Variants in NFIB observed in about 807,000 individuals in gnomAD.
The protein encoded by NFIB is nuclear factor I B, also known as nuclear factor 1 B-type.
Under a neutral mutation model 61.5 loss-of-function variants are expected in NFIB, and 11 were observed. That is an observed-to-expected ratio of 0.18 (90% CI 0.11 to 0.30). NFIB has a LOEUF of 0.30. NFIB is among the 10% of genes least tolerant of loss of function. NFIB has a pLI of 1.00. For missense variants in NFIB, 471 were observed against 608.9 expected (o/e 0.77, Z 2.38); for synonymous variants, 260 against 216.5 (o/e 1.20, Z -1.76).
chr9:14,270,903 T>C (rs2057559468), intron 2 of NFIB, among the ~76,000 whole-genome samples: 1 of 151,988 alleles, frequency 6.6e-6, no homozygotes, highest in Non-Finnish European at 1.5e-5. Context: ...TGAAGCTGAG[T>C]CTCCGTAGGC....
At chr9:14,209,794 G>C (rs1292015692) in intron 2 of NFIB, among the ~76,000 whole-genome samples, 1 of 152,126 alleles carries the variant, frequency 6.6e-6, no homozygotes, top group Non-Finnish European at 1.5e-5. Context: ...TTTGCTAATA[G>C]GCTGTCACAC....
intron 2 of NFIB, among the ~76,000 whole-genome samples, chr9:14,186,216 T>C (rs1402724580): frequency 2.0e-5 from 3 of 152,190 alleles, no homozygotes; most frequent in Non-Finnish European, 4.4e-5. Flanking sequence ...TCAAGGGATA[T>C]CAGAGGAGTA....
chr9:14,236,072 A>G (rs912724762), intron 2 of NFIB, among the ~76,000 whole-genome samples: 5 of 152,222 alleles, frequency 3.3e-5, no homozygotes, highest in African/African-American at 9.6e-5. Flanking sequence ...AGCATTGATC[A>G]TAACACAATA....
intron 1 of NFIB, among the ~76,000 whole-genome samples, chr9:14,393,232 G>A (rs572805872): frequency 1.3e-5 from 2 of 152,076 alleles, no homozygotes; most frequent in African/African-American, 4.8e-5. Flanking sequence ...GAAATGTGCT[G>A]CACATCCTCC....
the NFIB span, among the ~76,000 whole-genome samples, chr9:14,432,722 T>C: frequency 6.6e-6 from 1 of 152,164 alleles, no homozygotes; most frequent in African/African-American, 2.4e-5. Context: ...GAATTTGCCA[T>C]ATTTAGGAAG....
intron 7 of NFIB, among the ~76,000 whole-genome samples, chr9:14,123,467 G>T (rs1316076916): frequency 6.6e-6 from 1 of 152,088 alleles, no homozygotes; most frequent in Non-Finnish European, 1.5e-5. Flanking sequence ...TTATAATCAT[G>T]TAACTTCTCC....
chr9:14,387,040 G>A (rs1212563622), intron 1 of NFIB, among the ~76,000 whole-genome samples: 2 of 152,196 alleles, frequency 1.3e-5, no homozygotes, highest in South Asian at 4.1e-4. Flanking sequence ...AAGGACTAGG[G>A]TTCCACACAG....
chr9:14,331,644 A>G (rs1373376184), intron 1 of NFIB, among the ~76,000 whole-genome samples: 1 of 152,194 alleles, frequency 6.6e-6, no homozygotes, highest in East Asian at 1.9e-4. Context: ...AAAGTAATGG[A>G]ATATAGGCTT....
At chr9:14,243,755 A>C (rs2054588929) in intron 2 of NFIB, among the ~76,000 whole-genome samples, 1 of 152,182 alleles carries the variant, frequency 6.6e-6, no homozygotes, top group Admixed American at 6.5e-5. Context: ...TAAAAGGCAG[A>C]AATGTTCATC....
At chr9:14,175,551 G>A (rs965095866) in intron 3 of NFIB, among the ~76,000 whole-genome samples, 1 of 152,164 alleles carries the variant, frequency 6.6e-6, no homozygotes, top group Admixed American at 6.6e-5. Flanking sequence ...GATTTACTCA[G>A]TTATTTATTT....
the NFIB span, among the ~76,000 whole-genome samples, chr9:14,509,808 C>G: frequency 2.0e-5 from 3 of 152,314 alleles, no homozygotes; most frequent in African/African-American, 7.2e-5. Flanking sequence ...TGGTTAAAAA[C>G]TAGCAGGTGT....
At chr9:14,432,296 A>C in the NFIB span, among the ~76,000 whole-genome samples, 1 of 152,230 alleles carries the variant, frequency 6.6e-6, no homozygotes, top group Admixed American at 6.5e-5. Flanking sequence ...CAGAGAATAA[A>C]GGCAACATTC....
the NFIB span, among the ~76,000 whole-genome samples, chr9:14,423,524 G>C: frequency 1.3e-5 from 2 of 152,206 alleles, no homozygotes; most frequent in African/African-American, 4.8e-5. Flanking sequence ...ACACAGGACA[G>C]AAGAAAAGTT....
chr9:14,203,830 C>T (rs2049323137), intron 2 of NFIB, among the ~76,000 whole-genome samples: 2 of 152,092 alleles, frequency 1.3e-5, no homozygotes, highest in South Asian at 4.1e-4. Flanking sequence ...AAAATGGTGA[C>T]AAGGGGTCTT....
chr9:14,526,019 C>G, the NFIB span, among the ~76,000 whole-genome samples: 1 of 152,090 alleles, frequency 6.6e-6, no homozygotes. Flanking sequence ...CAGGTTGGAG[C>G]GACATGTAAT....
rs2038831522 is a variant in NFIB, at chr9:14,120,852, G to A, written c.1061-228C>T. Among the ~76,000 whole-genome samples the A allele has an allele frequency of 6.6e-6, 1 of 152,078 alleles. No individual in the cohort carries two copies. Among genetic ancestry groups the A allele is most frequent in the Non-Finnish European group, 1.5e-5 (1 of 68,024 alleles). On this transcript the variant is annotated intron_variant, in intron 7 of 10. Coordinates refer to ENST00000380953, the MANE Select transcript of NFIB (RefSeq NM_001190737.2). The surrounding 1 kb of genome is among the most constrained non-coding windows in gnomAD (Gnocchi z 4.4). Reference sequence around the variant, plus strand: ...ATCACTCTAGAAAATTAACAATCTTGCTTCCTGGCTCTGTGAGTGGTTACA... The same window carrying A: ...ATCACTCTAGAAAATTAACAATCTTACTTCCTGGCTCTGTGAGTGGTTACA...
chr9:14,344,118 G>GAGAGAC (rs2060989037), intron 1 of NFIB, among the ~76,000 whole-genome samples: 1 of 151,254 alleles, frequency 6.6e-6, no homozygotes, highest in Non-Finnish European at 1.5e-5. Context: ...AAGAGAGAGA[G>GAGAGAC]AGAGAGAGAG....
intron 1 of NFIB, among the ~76,000 whole-genome samples, chr9:14,387,426 G>A (rs2061561788): frequency 6.6e-6 from 1 of 152,140 alleles, no homozygotes; most frequent in Admixed American, 6.5e-5. Flanking sequence ...AAAGTTAAAT[G>A]TAAGCCAGGT....
chr9:14,301,514 A>G (rs1212997601), intron 2 of NFIB, among the ~76,000 whole-genome samples: 2 of 152,190 alleles, frequency 1.3e-5, no homozygotes, highest in African/African-American at 2.4e-5. Context: ...GGGGCACTAT[A>G]TATTTTTAAA....
Sources: gnomAD v4.1 joint callset for allele counts (sites outside exome capture counted in the v4.1 genomes callset) on GRCh38, gnomAD v4.1.1 for gene constraint, Gnocchi (gnomAD v3.1) non-coding constraint, MANE v1.5 for transcripts, NCBI Gene and HGNC (gene_info 2026-07-23, HGNC 2026-07-21) for gene names.